CLECL1: variants seen among roughly 807,000 people sequenced by gnomAD.
CLECL1 encodes the protein C-type lectin-like domain family 1.
At chr12:9,709,304 T>A in the CLECL1 span, 1 of 152,338 alleles carries the variant, frequency 6.6e-6, no homozygotes, top group Non-Finnish European at 1.5e-5. Context: ...CTCCTCCAGG[T>A]CTATCCCAAC....
the CLECL1 span, chr12:9,703,937 G>A: frequency 6.6e-6 from 1 of 151,774 alleles, no homozygotes; most frequent in East Asian, 1.9e-4. Flanking sequence ...TGTTTTAGTA[G>A]CAAGGTGAAC....
downstream of CLECL1, among the ~76,000 whole-genome samples, chr12:9,711,642 AT>A (rs910900859): frequency 3.4e-4 from 51 of 150,712 alleles, no homozygotes; most frequent in South Asian, 1.0e-3. Context: ...GATTATTATT[AT>A]TTTTTTTTTT....
the CLECL1 span, chr12:9,708,884 G>T: frequency 3.8e-6 from 1 of 262,836 alleles, no homozygotes; most frequent in Non-Finnish European, 7.2e-6. Context: ...TGGGCAACCA[G>T]TTCTCTTCAC....
chr12:9,714,167 T>A (rs1866217723), downstream of CLECL1, among the ~76,000 whole-genome samples: 1 of 152,220 alleles, frequency 6.6e-6, no homozygotes, highest in Non-Finnish European at 1.5e-5. Context: ...CGGTTGAGCA[T>A]GTAGATGGGG....
intron 3 of CLECL1, among the ~76,000 whole-genome samples, chr12:9,723,557 A>T (rs1866340913): frequency 6.6e-6 from 1 of 152,126 alleles, no homozygotes; most frequent in Admixed American, 6.6e-5. Flanking sequence ...GCAGGGCAAA[A>T]GTTTATCATT....
chr12:9,731,887 C>A (rs1160574197), intron 1 of CLECL1, among the ~76,000 whole-genome samples: 2 of 152,028 alleles, frequency 1.3e-5, no homozygotes, highest in Non-Finnish European at 2.9e-5. Context: ...GTAAAATAAC[C>A]TCTAGAAAAA....
At chr12:9,722,467 GA>G (rs34774966), downstream of CLECL1, 9,799 of 1,063,552 alleles carry the variant, frequency 9.2e-3, no homozygotes, top group East Asian at 0.018. Context: ...CTCCTAGCCG[GA>G]AAAAAAAAAA....
At chr12:9,712,922 A>T (rs1212073429), downstream of CLECL1, among the ~76,000 whole-genome samples, 2 of 152,214 alleles carry the variant, frequency 1.3e-5, no homozygotes, top group Non-Finnish European at 2.9e-5. Context: ...TGAGAAACAA[A>T]AACTATATTG....
At chr12:9,719,311 G>A (rs945652826), downstream of CLECL1, among the ~76,000 whole-genome samples, 5 of 152,192 alleles carry the variant, frequency 3.3e-5, no homozygotes, top group Non-Finnish European at 7.3e-5. Context: ...CAGATCACAA[G>A]GTCAGGAGAT....
At chr12:9,711,281 G>A (rs942650450), downstream of CLECL1, among the ~76,000 whole-genome samples, 1 of 152,176 alleles carries the variant, frequency 6.6e-6, no homozygotes, top group Non-Finnish European at 1.5e-5. Flanking sequence ...GAACTGTTAA[G>A]AGAAACAATG....
At chr12:9,705,607 A>C in the CLECL1 span, among the ~76,000 whole-genome samples, 27 of 152,182 alleles carry the variant, frequency 1.8e-4, no homozygotes, top group Non-Finnish European at 3.4e-4. Context: ...TCCCAGTTTC[A>C]ATTTTCTGCA....
At chr12:9,705,055 A>G in the CLECL1 span, among the ~76,000 whole-genome samples, 1 of 152,200 alleles carries the variant, frequency 6.6e-6, no homozygotes. Context: ...CTTTTTCAAC[A>G]CAACCTTGCC....
downstream of CLECL1, among the ~76,000 whole-genome samples, chr12:9,713,100 G>T (rs912992809): frequency 6.6e-6 from 1 of 152,180 alleles, no homozygotes; most frequent in African/African-American, 2.4e-5. Context: ...ACATGAAAGG[G>T]TCGTGATTGA....
At chr12:9,730,857 A>T (rs1409648208) in intron 1 of CLECL1, among the ~76,000 whole-genome samples, 1 of 151,900 alleles carries the variant, frequency 6.6e-6, no homozygotes, top group East Asian at 1.9e-4. Context: ...GCTCGTTTTT[A>T]AAATTTTTGG....
downstream of CLECL1, among the ~76,000 whole-genome samples, chr12:9,718,484 A>G (rs1342573927): frequency 1.4e-5 from 2 of 146,020 alleles, no homozygotes; most frequent in African/African-American, 2.5e-5. Flanking sequence ...ATGCACGTTT[A>G]TAATTGACCC....
chr12:9,707,821 G>A, the CLECL1 span, among the ~76,000 whole-genome samples: 1 of 152,130 alleles, frequency 6.6e-6, no homozygotes, highest in South Asian at 2.1e-4. Context: ...CTCTCACATG[G>A]TTCAAAATGG....
At chr12:9,718,849 G>A, downstream of CLECL1, 1 of 648,056 alleles carries the variant, frequency 1.5e-6, no homozygotes, top group Admixed American at 2.5e-5. Flanking sequence ...CTAGGCTTTA[G>A]CTGTGAAAAA....
At chr12:9,711,488 C>T (rs1329891829), downstream of CLECL1, among the ~76,000 whole-genome samples, 1 of 146,038 alleles carries the variant, frequency 6.8e-6, no homozygotes, top group East Asian at 2.0e-4. Context: ...TTTGCTTTTG[C>T]CTGGTTTCAG....
chr12:9,703,377 T>C, the CLECL1 span, among the ~76,000 whole-genome samples: 1 of 61,954 alleles, frequency 1.6e-5, no homozygotes, highest in Non-Finnish European at 5.1e-5. Context: ...TGTGCTAGGT[T>C]ATTTATTTAT....
Sources: gnomAD v4.1 joint callset for allele counts (sites outside exome capture counted in the v4.1 genomes callset) on GRCh38, gnomAD v4.1.1 for gene constraint, MANE v1.5 for transcripts, NCBI Gene and HGNC (gene_info 2026-07-23, HGNC 2026-07-21) for gene names.